SBNO1: variants seen among roughly 807,000 people sequenced by gnomAD.
The protein encoded by SBNO1 is strawberry notch homolog 1, also known as protein strawberry notch homolog 1.
A neutral mutation model predicts 173.6 loss-of-function variants in SBNO1; 23 were observed. The observed-to-expected ratio is 0.13, with a 90% CI of 0.10 to 0.19. SBNO1 has a LOEUF of 0.19. Ranked by LOEUF, SBNO1 falls within the 10% of genes least tolerant of loss-of-function variation. The pLI is 1.00. For synonymous variants in SBNO1, 632 were observed against 571.5 expected, an observed-to-expected ratio of 1.11 and a Z score of -1.51; for missense variants, 1,238 against 1,671.2, an observed-to-expected ratio of 0.74 and a Z score of 4.52.
rs78344454 is a variant in SBNO1 at position 123,351,131 on chromosome 12, A to AG, written c.1-691_1-690insC. Among the ~76,000 whole-genome samples, 37 of 151,870 alleles carry AG rather than the reference A, an allele frequency of 2.4e-4. No homozygotes were observed. The Middle Eastern group carries it at 0.01, about 42-fold the overall frequency. The stretch of plus-strand genomic sequence containing the variant: ...AGCGAGACTCCATCTCAAAAAAAAA[A>AG]AAAAAGAAAAAGAAAACCTCTGGAG... On this transcript the variant is annotated intron_variant, in intron 1 of 31. Coordinates refer to ENST00000602398, the MANE Select transcript of SBNO1 (RefSeq NM_001167856.3).
intron 4 of SBNO1, among the ~76,000 whole-genome samples, chr12:123,341,497 G>A (rs1872561984): frequency 6.6e-6 from 1 of 152,100 alleles, no homozygotes; most frequent in Non-Finnish European, 1.5e-5. Context: ...AAAAACCAAA[G>A]AATGTCAATC....
intron 1 of SBNO1, chr12:123,364,002 C>T: frequency 1.0e-6 from 1 of 985,492 alleles, no homozygotes; most frequent in Non-Finnish European, 1.2e-6. Flanking sequence ...GCCAAACGCT[C>T]TCAAAGTAAG....
At chr12:123,297,327 C>T (rs931782368) in intron 31 of SBNO1, among the ~76,000 whole-genome samples, 43 of 38,336 alleles carry the variant, frequency 1.1e-3, no homozygotes, top group Non-Finnish European at 1.8e-4. Flanking sequence ...GAGACTCAGT[C>T]TCAAAAAAAA....
At position 123,345,588 on chromosome 12, in the gene SBNO1, A is replaced by C. The variant is rs1873027585; in HGVS notation, c.238-18T>G. On this transcript the variant is annotated intron_variant, in intron 3 of 31. Coordinates refer to ENST00000602398, the MANE Select transcript of SBNO1 (RefSeq NM_001167856.3). ...GGCTGCTGCTAGATAGAAAACAAAAAACACACCACTGAAAAATGCTTCATT... is the reference window on the plus strand; with the variant it reads ...GGCTGCTGCTAGATAGAAAACAAAACACACACCACTGAAAAATGCTTCATT... The C allele has an allele frequency of 1.2e-6, 2 of 1,600,132 alleles. No homozygotes were observed. Among genetic ancestry groups the C allele is most frequent in the South Asian group, 2.2e-5 (2 of 90,268 alleles).
rs1314074415 is a variant in SBNO1 at position 123,328,065 on chromosome 12, TTAAG to T, written c.1297-42_1297-39del. 1.4e-5 allele frequency: 20 copies of T among 1,479,202 alleles called. 1 individual carries two copies. The highest frequency in any genetic ancestry group is 9.8e-5 in the African/African-American group (7 of 71,248). The allele number at this position is 1,479,202 out of a possible 1,614,324, so 91.6% of individuals were successfully genotyped here. ...AGTTAAGGAATGTATCACATTAGTA[TTAAG>T]TAAGAATCTCCAGTCTTTCAAGAAG... is the stretch of plus-strand genomic sequence containing the variant. On this transcript the variant is annotated intron_variant, in intron 10 of 31. Coordinates refer to ENST00000602398, the MANE Select transcript of SBNO1 (RefSeq NM_001167856.3).
intron 23 of SBNO1, among the ~76,000 whole-genome samples, chr12:123,314,906 ATTTT>A (rs760653627): frequency 7.7e-6 from 1 of 129,342 alleles, no homozygotes. Context: ...TAATTTTTGT[ATTTT>A]TTTTTTTTTT....
chr12:123,355,860 T>A (rs1451262571), intron 1 of SBNO1, among the ~76,000 whole-genome samples: 2 of 152,142 alleles, frequency 1.3e-5, no homozygotes, highest in Admixed American at 6.6e-5. Flanking sequence ...ACTTCTATGA[T>A]AAGTAAGACA....
At chr12:123,303,000 TC>T in intron 29 of SBNO1, 100 bp from the exon 30 acceptor site, 1 of 874,146 alleles carries the variant, frequency 1.1e-6, no homozygotes, top group South Asian at 1.4e-5. Context: ...TTTAAAATAA[TC>T]TCTACACAAA....
chr12:123,336,796 G>A (rs1436807925), intron 5 of SBNO1, among the ~76,000 whole-genome samples: 2 of 152,108 alleles, frequency 1.3e-5, no homozygotes, highest in African/African-American at 4.8e-5. Flanking sequence ...CCTCCTTGAT[G>A]CCCAGAACTC....
chr12:123,313,940 T>C (rs1405972941), intron 23 of SBNO1, among the ~76,000 whole-genome samples: 1 of 151,886 alleles, frequency 6.6e-6, no homozygotes, highest in Non-Finnish European at 1.5e-5. Flanking sequence ...AAAAATTAGC[T>C]GGGTGTGGTG....
Position 123,331,226 on chromosome 12 carries a change from G to T in SBNO1, c.1043+16C>A, listed in dbSNP as rs372701753. On this transcript the variant is annotated intron_variant, in intron 8 of 31. Coordinates refer to ENST00000602398, the MANE Select transcript of SBNO1 (RefSeq NM_001167856.3). ...ATCCGCTGCGCCTGGCCCACAGCCA[G>T]TTTTTAAACACTTACCACAATGCTC... is the stretch of plus-strand genomic sequence containing the variant. The T allele has an allele frequency of 4.3e-6, 7 of 1,612,584 alleles. No individual in the cohort carries two copies. The South Asian group carries it at 7.7e-5, about 18-fold the overall frequency.
At chr12:123,352,470 T>C (rs1157568662) in intron 1 of SBNO1, among the ~76,000 whole-genome samples, 6 of 152,048 alleles carry the variant, frequency 3.9e-5, no homozygotes, top group Admixed American at 1.3e-4. Context: ...ATTTTTGTAT[T>C]TAGTAGAGAC....
chr12:123,317,125 T>G (rs10846515), intron 21 of SBNO1, 96 bp downstream of exon 21: 1,031,324 of 1,315,172 alleles, frequency 0.78, 407,767 homozygotes, highest in East Asian at 1. Context: ...GGCGTGAGCC[T>G]CTGTGCCCGG....
At chr12:123,341,866 T>C (rs1011265125) in intron 4 of SBNO1, among the ~76,000 whole-genome samples, 2 of 150,950 alleles carry the variant, frequency 1.3e-5, no homozygotes, top group East Asian at 3.9e-4. Context: ...CATGAAAACA[T>C]GTAAACCCAT....
chr12:123,319,009 G>T (rs114297596), intron 20 of SBNO1, among the ~76,000 whole-genome samples: 2 of 150,704 alleles, frequency 1.3e-5, no homozygotes, highest in African/African-American at 4.9e-5. Context: ...TGCTGCCCAG[G>T]TGGAAATGCA....
chr12:123,328,685 T>A (rs1272988163), intron 10 of SBNO1, 49 bp downstream of exon 10: 16 of 1,376,922 alleles, frequency 1.2e-5, no homozygotes, highest in Non-Finnish European at 1.5e-5. Context: ...TACCCTTTTA[T>A]AATTTTCTTG....
intron 21 of SBNO1, 72 bp from the exon 22 acceptor site, chr12:123,315,732 T>C: frequency 1.2e-6 from 1 of 848,526 alleles, no homozygotes; most frequent in Non-Finnish European, 2.0e-6. Context: ...GATGTATTCC[T>C]AGCATTTAAC....
intron 23 of SBNO1, among the ~76,000 whole-genome samples, chr12:123,315,045 T>C (rs187482706): frequency 1.3e-5 from 2 of 152,184 alleles, no homozygotes; most frequent in Admixed American, 1.3e-4. Flanking sequence ...GCCTGGCCTT[T>C]ATATATATTT....
intron 1 of SBNO1, among the ~76,000 whole-genome samples, chr12:123,358,606 G>T (rs1023074456): frequency 6.6e-6 from 1 of 151,898 alleles, no homozygotes; most frequent in Middle Eastern, 3.4e-3. Context: ...AGCCGGGCGC[G>T]GTGGCAGGCG....
Sources: gnomAD v4.1 joint callset for allele counts (sites outside exome capture counted in the v4.1 genomes callset) on GRCh38, gnomAD v4.1.1 for gene constraint, MANE v1.5 for transcripts, NCBI Gene and HGNC (gene_info 2026-07-23, HGNC 2026-07-21) for gene names.